The following NAV2 variants were observed in gnomAD, a reference collection of about 807,000 sequenced individuals.
NAV2 encodes the protein helicase, APC down-regulated 1.
NAV2 carries 54 observed loss-of-function variants against 223.2 expected under a neutral mutation model. The observed-to-expected ratio is 0.24, with a 90% CI of 0.19 to 0.30. The LOEUF is 0.30. Ranked by LOEUF, NAV2 falls within the 10% of genes least tolerant of loss-of-function variation. The pLI is 1.00. For synonymous variants in NAV2, 1,279 were observed against 1,239.3 expected (o/e 1.03, Z -0.67); for missense variants, 2,806 against 3,147.5 (o/e 0.89, Z 2.60).
intron 1 of NAV2, among the ~76,000 whole-genome samples, chr11:19,470,288 C>T (rs1824798467): frequency 6.6e-6 from 1 of 152,178 alleles, no homozygotes; most frequent in African/African-American, 2.4e-5. Context: ...GCAGGTGGAA[C>T]ACTGGAAAGG....
At chr11:19,489,886 A>G (rs1468955452) in intron 1 of NAV2, among the ~76,000 whole-genome samples, 2 of 152,208 alleles carry the variant, frequency 1.3e-5, no homozygotes, top group African/African-American at 4.8e-5. Flanking sequence ...CAGTCCCAGA[A>G]CCCCAATATT....
intron 1 of NAV2, among the ~76,000 whole-genome samples, chr11:19,515,506 AT>A (rs764315821): frequency 1.1e-4 from 16 of 152,184 alleles, no homozygotes; most frequent in Non-Finnish European, 1.5e-4. Flanking sequence ...AAATTCTACA[AT>A]TTCAGAACCA....
intron 11 of NAV2, among the ~76,000 whole-genome samples, chr11:20,017,920 T>C (rs2054148987): frequency 6.6e-6 from 1 of 152,222 alleles, no homozygotes; most frequent in Non-Finnish European, 1.5e-5. Context: ...TTTTCCTTCT[T>C]GTTCATTCAT....
chr11:20,027,824 C>T (rs1194386227), intron 11 of NAV2: 1 of 152,164 alleles, frequency 6.6e-6, no homozygotes, highest in African/African-American at 2.4e-5. Flanking sequence ...GTGTAATGAT[C>T]CTCCCTCCAG....
intron 1 of NAV2, among the ~76,000 whole-genome samples, chr11:19,650,563 T>G (rs533210163): frequency 1.3e-5 from 2 of 152,196 alleles, no homozygotes; most frequent in African/African-American, 4.8e-5. Flanking sequence ...AGAACTTCCA[T>G]GCCTGGGTAT....
intron 1 of NAV2, among the ~76,000 whole-genome samples, chr11:19,633,156 C>T (rs190571327): frequency 8.5e-4 from 130 of 152,274 alleles, no homozygotes; most frequent in African/African-American, 3.0e-3. Flanking sequence ...GTGCCCCCAG[C>T]TCCTCCCTGT....
chr11:19,552,359 C>T (rs1450613563), intron 1 of NAV2, among the ~76,000 whole-genome samples: 1 of 152,158 alleles, frequency 6.6e-6, no homozygotes, highest in Non-Finnish European at 1.5e-5. Flanking sequence ...TCAGCCTCCC[C>T]ACTCTGCCTC....
At chr11:19,477,527 G>T (rs1344353517) in intron 1 of NAV2, among the ~76,000 whole-genome samples, 5 of 152,190 alleles carry the variant, frequency 3.3e-5, no homozygotes, top group Non-Finnish European at 5.9e-5. Context: ...CTGGGTCTAT[G>T]TGGTCTATAT....
At chr11:19,360,385 C>T (rs1853865010) in intron 1 of NAV2, among the ~76,000 whole-genome samples, 1 of 152,198 alleles carries the variant, frequency 6.6e-6, no homozygotes, top group African/African-American at 2.4e-5. Flanking sequence ...TGTCACTCTG[C>T]CCATAGGCTA....
At chr11:20,042,912 T>C (rs1729846579) in intron 12 of NAV2, among the ~76,000 whole-genome samples, 3 of 152,170 alleles carry the variant, frequency 2.0e-5, no homozygotes, top group Non-Finnish European at 2.9e-5. Context: ...TTATGCCTTT[T>C]AGCTGCAGGA....
At chr11:19,642,058 C>T (rs972305954) in intron 1 of NAV2, among the ~76,000 whole-genome samples, 5 of 152,122 alleles carry the variant, frequency 3.3e-5, no homozygotes, top group Non-Finnish European at 5.9e-5. Context: ...TAATTAATGA[C>T]GGGCTGCTCT....
Position 19,776,242 on chromosome 11 carries a change from T to G in NAV2, c.268-56242T>G, listed in dbSNP as rs143028607. 7.1e-3 allele frequency among the ~76,000 whole-genome samples: 1,081 copies of G among 152,260 alleles called. 14 individuals carry two copies. Among genetic ancestry groups the G allele is most frequent in the African/African-American group, 0.025 (1,032 of 41,532 alleles). ...GGAGCTGAAGGATTCTTGAGCCTTT[T>G]CAGGATACCGAAAGTTGCTGGGGAC... On this transcript the variant is annotated intron_variant, in intron 1 of 37. Transcript: ENST00000349880.
intron 1 of NAV2, among the ~76,000 whole-genome samples, chr11:19,431,147 C>T (rs555448708): frequency 6.6e-6 from 1 of 152,198 alleles, no homozygotes; most frequent in Non-Finnish European, 1.5e-5. Flanking sequence ...TGCTGTCCCT[C>T]AGCCCTGGTC....
intron 12 of NAV2, among the ~76,000 whole-genome samples, chr11:20,036,604 G>A (rs1442661633): frequency 1.3e-5 from 2 of 152,158 alleles, no homozygotes; most frequent in African/African-American, 2.4e-5. Flanking sequence ...CCCTGCTGAC[G>A]TGTTTTATTT....
intron 1 of NAV2, among the ~76,000 whole-genome samples, chr11:19,534,876 C>T (rs2044138057): frequency 6.6e-6 from 1 of 152,210 alleles, no homozygotes; most frequent in South Asian, 2.1e-4. Context: ...CAAATCTTCA[C>T]TCTGCCACTT....
chr11:19,556,228 G>T (rs192910488), intron 1 of NAV2, among the ~76,000 whole-genome samples: 63 of 152,322 alleles, frequency 4.1e-4, no homozygotes, highest in Non-Finnish European at 7.4e-4. Flanking sequence ...AAAGTGACAG[G>T]TTCAAGCCAT....
At chr11:19,467,026 G>GAGAGAGAGAGAGAGATAGAT (rs1852389053) in intron 1 of NAV2, among the ~76,000 whole-genome samples, 5 of 112,522 alleles carry the variant, frequency 4.4e-5, no homozygotes, top group African/African-American at 1.2e-4. Flanking sequence ...CACAGAGAGA[G>GAGAGAGAGAGAGAGATAGAT]AGAGAGAGAG....
In NAV2 at chr11:19,949,140, C is replaced by G. The variant is rs2047178049; in HGVS notation, c.2645+60C>G. 3 of 1,506,430 alleles carry G rather than the reference C, an allele frequency of 2.0e-6. No individual in the cohort carries two copies. In the African/African-American group the frequency reaches 4.2e-5, roughly 21 times the overall value. 93.3% of individuals were successfully genotyped at this position (1,506,430 alleles called of 1,614,324 possible). On this transcript the variant is annotated intron_variant, in intron 10 of 37. Transcript: ENST00000349880. ...AAAGAGGGCTTGGCACCTGGCTTCT[C>G]TTTTGTAGGGCTCTATTTGATTCTT... is the stretch of plus-strand genomic sequence containing the variant.
intron 1 of NAV2, among the ~76,000 whole-genome samples, chr11:19,621,552 C>T (rs1379312290): frequency 2.6e-5 from 4 of 152,026 alleles, no homozygotes; most frequent in African/African-American, 7.2e-5. Flanking sequence ...TAGAGGTGTT[C>T]GTAATATTCT....
Sources: gnomAD v4.1 joint callset for allele counts (sites outside exome capture counted in the v4.1 genomes callset) on GRCh38, gnomAD v4.1.1 for gene constraint, MANE v1.5 for transcripts, NCBI Gene and HGNC (gene_info 2026-07-23, HGNC 2026-07-21) for gene names.